The following MYL2 variants were observed in gnomAD, a reference collection of about 807,000 sequenced individuals.
MYL2 encodes myosin light chain 2, also known as myosin regulatory light chain 2, ventricular/cardiac muscle isoform.
Under a neutral mutation model 23.0 loss-of-function variants are expected in MYL2, and 19 were observed. The observed-to-expected ratio is 0.83, with a 90% CI of 0.58 to 1.21. MYL2 has a LOEUF of 1.21. Ranked by LOEUF, MYL2 falls within the 50% of genes most tolerant of loss-of-function variation. The pLI, the probability that MYL2 is intolerant of heterozygous loss-of-function variation, is 0.00. For missense variants in MYL2, 180 were observed against 215.1 expected (o/e 0.84, Z 1.02); for synonymous variants, 78 against 76.2 (o/e 1.02, Z -0.13).
At chr12:110,912,018 A>G (rs564189634) in intron 6 of MYL2, among the ~76,000 whole-genome samples, 15 of 152,338 alleles carry the variant, frequency 9.8e-5, no homozygotes, top group Admixed American at 9.8e-4. Context: ...ATTGAGGTGC[A>G]GTGAGGTTAA....
Position 110,911,059 on chromosome 12 carries a change from G to T in MYL2, c.*18C>A. 1 of 1,606,582 alleles carries T rather than the reference G, an allele frequency of 6.2e-7. No individual in the cohort carries two copies. Among genetic ancestry groups the T allele is most frequent in the Non-Finnish European group, 8.5e-7 (1 of 1,173,292 alleles). On this transcript the variant is annotated 3_prime_UTR_variant, in exon 7 of 7. Coordinates refer to ENST00000228841, the MANE Select transcript of MYL2 (RefSeq NM_000432.4). ...CACTCTGCAAAGACGAGCCCAGGGC[G>T]CAGCAGCGAGCCCCCTCCTAGTCCT...
intron 2 of MYL2, among the ~76,000 whole-genome samples, chr12:110,917,765 C>G (rs1425070386): frequency 2.0e-5 from 3 of 152,074 alleles, no homozygotes. Context: ...TGTTTGGAAG[C>G]CCCAAATGGT....
chr12:110,914,287 C>T lies in MYL2; in HGVS notation c.173G>A (p.Arg58Gln), dbSNP rs104894369. 3 of 1,613,140 alleles carry T rather than the reference C, an allele frequency of 1.9e-6. No individual in the cohort carries two copies. The part of the protein sequence containing the change: ...DLRDTFAALG[R>Q]VNVKNEEIDE... ...AATTTCTTCATTTTTCACGTTCACT[C>T]GCCCTAGGGTAGGAAACACACACTC... Residue 58 changes from arginine (R) to glutamine (Q), a missense_variant, in exon 4 of 7, where the codon CGA becomes CAA. Physicochemically the swap from Arg to Gln is conservative, Grantham distance 43. Transcript: ENST00000228841.
intron 3 of MYL2, among the ~76,000 whole-genome samples, chr12:110,915,044 A>C (rs933296): frequency 0.74 from 113,126 of 152,162 alleles, 42,897 homozygotes; most frequent in African/African-American, 0.89. Context: ...CACAAGCCTA[A>C]CTTTGTGCAA....
intron 3 of MYL2, 131 bp from the exon 4 acceptor site, chr12:110,914,421 G>T: frequency 1.4e-6 from 1 of 719,352 alleles, no homozygotes; most frequent in South Asian, 1.5e-5. Context: ...GTGGATGGAG[G>T]CAAAGATCTT....
At chr12:110,920,768 T>A (rs182179859), upstream of MYL2, 22 of 616,192 alleles carry the variant, frequency 3.6e-5, no homozygotes, top group Middle Eastern at 4.3e-4. Flanking sequence ...GCATTCAAGG[T>A]TAAAGAGGCA....
intron 2 of MYL2, among the ~76,000 whole-genome samples, chr12:110,917,138 G>C (rs772849782): frequency 5.3e-5 from 8 of 151,944 alleles, no homozygotes; most frequent in Non-Finnish European, 1.2e-4. Flanking sequence ...GAGCCACTGT[G>C]CCTGGCCCGT....
chr12:110,912,999 T>G, intron 6 of MYL2, 97 bp downstream of exon 6: 1 of 1,295,336 alleles, frequency 7.7e-7, no homozygotes, highest in Non-Finnish European at 1.1e-6. Flanking sequence ...TCTGTCAGTG[T>G]GGGGTCAGGG....
At chr12:110,915,942 A>G in intron 2 of MYL2, 152 bp from the exon 3 acceptor site, 2 of 755,798 alleles carry the variant, frequency 2.6e-6, no homozygotes, top group South Asian at 2.8e-5. Flanking sequence ...AAGATAATCC[A>G]ACAGTTTCTT....
Position 110,918,950 on chromosome 12 carries a change from A to G in MYL2, c.93+154T>C. 1 of 648,568 alleles carries G rather than the reference A, an allele frequency of 1.5e-6. No homozygotes were observed. Among genetic ancestry groups the G allele is most frequent in the Non-Finnish European group, 2.7e-6 (1 of 365,392 alleles). 40.2% of individuals were successfully genotyped at this position (648,568 alleles called of 1,614,324 possible). A position where few individuals can be genotyped will look rare whatever the true frequency, so the allele number is the denominator to read the frequency against. Reference sequence around the variant, plus strand: ...GAAAATATTAAAAATAGTTTCTTTTAAAAATTCACACATCCGTTCAGGCCG... The same window carrying G: ...GAAAATATTAAAAATAGTTTCTTTTGAAAATTCACACATCCGTTCAGGCCG... On this transcript the variant is annotated intron_variant, in intron 2 of 6. Coordinates refer to ENST00000228841, the MANE Select transcript of MYL2 (RefSeq NM_000432.4). The surrounding 1 kb of genome is among the most constrained non-coding windows in gnomAD (Gnocchi z 4.4).
Position 110,918,573 on chromosome 12 carries a change from C to T in MYL2, c.93+531G>A, listed in dbSNP as rs575437980. ...AGTTCTGCTTTTAGGAATTTACCCC[C>T]AAGAAATAACCAGAGATACAAGCAA... is the stretch of plus-strand genomic sequence containing the variant. On this transcript the variant is annotated intron_variant, in intron 2 of 6. Coordinates refer to ENST00000228841, the MANE Select transcript of MYL2 (RefSeq NM_000432.4). This position sits in a 1 kb window ranked among gnomAD's most constrained non-coding sequence, Gnocchi z 4.4. 6.6e-6 allele frequency among the ~76,000 whole-genome samples: 1 copy of T among 151,856 alleles called. No homozygotes were observed. Among genetic ancestry groups the T allele is most frequent in the East Asian group, 1.9e-4 (1 of 5,200 alleles).
At chr12:110,919,257 C>T (rs2071705584) in intron 1 of MYL2, 64 bp from the exon 2 acceptor site, 8 of 1,399,582 alleles carry the variant, frequency 5.7e-6, no homozygotes, top group Non-Finnish European at 8.0e-6. Context: ...AGGTCAGGCC[C>T]CTACTCTGGG....
At chr12:110,916,197 G>A (rs899370612) in intron 2 of MYL2, among the ~76,000 whole-genome samples, 8 of 152,182 alleles carry the variant, frequency 5.3e-5, no homozygotes, top group Admixed American at 2.0e-4. Flanking sequence ...TTAGCCAGGC[G>A]TGGTGGCGCA....
At chr12:110,920,765 A>G, upstream of MYL2, 1 of 616,742 alleles carries the variant, frequency 1.6e-6, no homozygotes, top group Admixed American at 2.7e-5. Context: ...AAGGCATTCA[A>G]GGTTAAAGAG....
chr12:110,912,293 G>A (rs1281216008), intron 6 of MYL2, among the ~76,000 whole-genome samples: 1 of 150,728 alleles, frequency 6.6e-6, no homozygotes, highest in Non-Finnish European at 1.5e-5. Flanking sequence ...CGCACCACCT[G>A]AGTTGAAAAA....
At chr12:110,916,901 T>C (rs2136775288) in intron 2 of MYL2, among the ~76,000 whole-genome samples, 1 of 152,310 alleles carries the variant, frequency 6.6e-6, no homozygotes, top group East Asian at 1.9e-4. Context: ...CAGGCCGCAG[T>C]GCAGTGGTGC....
chr12:110,918,358 C>T lies in MYL2; in HGVS notation c.93+746G>A, dbSNP rs1470781155. Among the ~76,000 whole-genome samples, 4 of 152,066 alleles carry T rather than the reference C, an allele frequency of 2.6e-5. No individual in the cohort carries two copies. Among genetic ancestry groups the T allele is most frequent in the African/African-American group, 9.7e-5 (4 of 41,390 alleles). On this transcript the variant is annotated intron_variant, in intron 2 of 6. Coordinates refer to ENST00000228841, the MANE Select transcript of MYL2 (RefSeq NM_000432.4). This position sits in a 1 kb window ranked among gnomAD's most constrained non-coding sequence, Gnocchi z 4.4. ...AAAATGTAAAACCCAGAAGATACTG[C>T]TTTTCACCTCTCAGACTGGCAAAAA... is the stretch of plus-strand genomic sequence containing the variant.
upstream of MYL2, chr12:110,920,666 C>T (rs577666020): frequency 1.6e-4 from 210 of 1,297,688 alleles, no homozygotes; most frequent in East Asian, 1.8e-3. Context: ...ATAGGTGAGG[C>T]GGGCACCACC....
chr12:110,913,200 G>T (rs776264921), intron 5 of MYL2, 46 bp downstream of exon 5: 2 of 1,580,962 alleles, frequency 1.3e-6, no homozygotes, highest in South Asian at 2.2e-5. Flanking sequence ...AGGGGGGACA[G>T]GGGGCAAGCA....
Sources: gnomAD v4.1 joint callset for allele counts (sites outside exome capture counted in the v4.1 genomes callset) on GRCh38, gnomAD v4.1.1 for gene constraint, Gnocchi (gnomAD v3.1) non-coding constraint, MANE v1.5 for transcripts, NCBI Gene and HGNC (gene_info 2026-07-23, HGNC 2026-07-21) for gene names.